Variants in SAMMSON observed in about 807,000 individuals in gnomAD.
The protein encoded by SAMMSON is survival associated mitochondrial melanoma specific oncogenic non-coding RNA.
chr3:70,209,123 T>C (rs1172474372), intron 4 of SAMMSON, among the ~76,000 whole-genome samples: 2 of 152,068 alleles, frequency 1.3e-5, no homozygotes, highest in African/African-American at 4.8e-5. Flanking sequence ...AGGCATCCAG[T>C]AATCAGCTAA....
intron 1 of SAMMSON, among the ~76,000 whole-genome samples, chr3:70,004,127 C>T (rs1345387625): frequency 6.6e-6 from 1 of 151,976 alleles, no homozygotes; most frequent in Admixed American, 6.6e-5. Flanking sequence ...TTATTGTGCA[C>T]AGGTGTTCAT....
chr3:70,341,241 C>T (rs936217325), intron 7 of SAMMSON, among the ~76,000 whole-genome samples: 7 of 152,070 alleles, frequency 4.6e-5, no homozygotes, highest in African/African-American at 1.7e-4. Context: ...ATAATTAGCC[C>T]ACAAGAGACC....
chr3:70,059,323 A>G (rs2067179000), intron 3 of SAMMSON, among the ~76,000 whole-genome samples: 1 of 152,134 alleles, frequency 6.6e-6, no homozygotes, highest in South Asian at 2.1e-4. Flanking sequence ...GATAAAAAGA[A>G]CCAATGGGAT....
At chr3:70,154,638 C>T (rs1028863504) in intron 4 of SAMMSON, among the ~76,000 whole-genome samples, 25 of 152,026 alleles carry the variant, frequency 1.6e-4, no homozygotes, top group African/African-American at 4.8e-4. Context: ...GGTACTTGAG[C>T]GAATGGCCTT....
At chr3:70,272,411 T>C (rs1304366738) in intron 6 of SAMMSON, 1 of 152,242 alleles carries the variant, frequency 6.6e-6, no homozygotes, top group Non-Finnish European at 1.5e-5. Flanking sequence ...TATAATGCTT[T>C]TGAGGTTCAT....
At chr3:70,231,140 T>C (rs1701556238) in intron 4 of SAMMSON, among the ~76,000 whole-genome samples, 1 of 152,202 alleles carries the variant, frequency 6.6e-6, no homozygotes, top group African/African-American at 2.4e-5. Flanking sequence ...TTTTCGTACA[T>C]GTACGTGAAA....
intron 4 of SAMMSON, chr3:70,125,726 T>C: frequency 1.5e-6 from 1 of 680,212 alleles, no homozygotes; most frequent in Non-Finnish European, 2.6e-6. Context: ...TGTAAACTGT[T>C]TTGTGAAGGA....
chr3:70,409,689 T>C (rs901656301), intron 2 of SAMMSON, among the ~76,000 whole-genome samples: 1 of 152,196 alleles, frequency 6.6e-6, no homozygotes, highest in Non-Finnish European at 1.5e-5. Flanking sequence ...ACAATTGATA[T>C]AGTAATAAGG....
chr3:70,007,076 T>C (rs2066930622), intron 1 of SAMMSON, among the ~76,000 whole-genome samples: 1 of 152,140 alleles, frequency 6.6e-6, no homozygotes, highest in Admixed American at 6.5e-5. Flanking sequence ...GTTCCAAGTC[T>C]TTGCTATTGT....
chr3:70,337,076 TTAATATTCTTATTAATAATAATATCTA>T, intron 7 of SAMMSON, among the ~76,000 whole-genome samples: 2 of 70,690 alleles, frequency 2.8e-5, no homozygotes, highest in African/African-American at 8.1e-5. Context: ...AATATCTAAC[TTAATATTCTTATTAATAATAATATCTA>T]ACTTAATATT....
chr3:70,405,978 A>T (rs1376068297), intron 2 of SAMMSON, among the ~76,000 whole-genome samples: 2 of 152,192 alleles, frequency 1.3e-5, no homozygotes, highest in Non-Finnish European at 2.9e-5. Flanking sequence ...CAGGGAGTCT[A>T]TTGTAAAACA....
downstream of SAMMSON, among the ~76,000 whole-genome samples, chr3:70,392,042 A>G (rs776446540): frequency 5.9e-5 from 9 of 152,122 alleles, no homozygotes; most frequent in Non-Finnish European, 1.2e-4. Context: ...CCTGTGTCCA[A>G]CAATAGAAGG....
At chr3:70,102,847 C>G (rs1009763273) in intron 4 of SAMMSON, among the ~76,000 whole-genome samples, 1 of 152,180 alleles carries the variant, frequency 6.6e-6, no homozygotes, top group Non-Finnish European at 1.5e-5. Flanking sequence ...TTGCTCTGCT[C>G]TGCTCTTTGC....
chr3:70,278,067 T>C (rs375026295), intron 6 of SAMMSON, among the ~76,000 whole-genome samples: 12 of 152,290 alleles, frequency 7.9e-5, no homozygotes, highest in East Asian at 5.8e-4. Context: ...AAAAAACACT[T>C]CAGCAACATA....
chr3:70,325,157 T>G (rs1369915499), intron 7 of SAMMSON, among the ~76,000 whole-genome samples: 1 of 152,164 alleles, frequency 6.6e-6, no homozygotes, highest in Non-Finnish European at 1.5e-5. Flanking sequence ...ATGCAAGCAG[T>G]GATTCTCAGA....
At chr3:70,222,009 T>G (rs1701464771) in intron 4 of SAMMSON, among the ~76,000 whole-genome samples, 1 of 152,124 alleles carries the variant, frequency 6.6e-6, no homozygotes, top group Non-Finnish European at 1.5e-5. Flanking sequence ...TGTCAAGTGT[T>G]CCATAGGCGA....
intron 9 of SAMMSON, among the ~76,000 whole-genome samples, chr3:70,378,654 T>G (rs1191000329): frequency 2.6e-5 from 4 of 152,156 alleles, no homozygotes; most frequent in Non-Finnish European, 5.9e-5. Flanking sequence ...CTGATATAAA[T>G]GAAAACATAA....
chr3:70,252,899 G>A (rs752008315), intron 6 of SAMMSON, among the ~76,000 whole-genome samples: 3 of 151,886 alleles, frequency 2.0e-5, no homozygotes, highest in Non-Finnish European at 2.9e-5. Context: ...GGCCAACATC[G>A]TGAAACCCCC....
At chr3:70,316,709 T>C (rs1702496912) in intron 7 of SAMMSON, among the ~76,000 whole-genome samples, 1 of 152,064 alleles carries the variant, frequency 6.6e-6, no homozygotes, top group Admixed American at 6.6e-5. Flanking sequence ...GAAAATTCCA[T>C]ATTTGTAACA....
Sources: gnomAD v4.1 joint callset for allele counts (sites outside exome capture counted in the v4.1 genomes callset) on GRCh38, gnomAD v4.1.1 for gene constraint, MANE v1.5 for transcripts, NCBI Gene and HGNC (gene_info 2026-07-23, HGNC 2026-07-21) for gene names.